LUZP2: variants seen among roughly 807,000 people sequenced by gnomAD.
The protein encoded by LUZP2 is leucine zipper protein 2.
LUZP2 carries 52 observed loss-of-function variants against 51.6 expected under a neutral mutation model. That is an observed-to-expected ratio of 1.01 (90% CI 0.81 to 1.27). LUZP2 has a LOEUF of 1.27. Among genes scored for constraint, LUZP2 ranks in the 50% most tolerant of loss-of-function variants. LUZP2 has a pLI of 0.00. For synonymous variants in LUZP2, 154 were observed against 137.3 expected (o/e 1.12, Z -0.85); for missense variants, 436 against 395.4 (o/e 1.10, Z -0.87).
chr11:24,799,210 A>G (rs767409919), intron 5 of LUZP2, among the ~76,000 whole-genome samples: 32 of 152,188 alleles, frequency 2.1e-4, no homozygotes, highest in Non-Finnish European at 4.0e-4. Context: ...TCAGTTATCA[A>G]AGGATTCCCA....
chr11:24,936,164 T>G (rs1044967341), intron 7 of LUZP2, among the ~76,000 whole-genome samples: 2 of 152,166 alleles, frequency 1.3e-5, no homozygotes, highest in Non-Finnish European at 2.9e-5. Flanking sequence ...TTTTTAAAAG[T>G]TCACAAATTT....
chr11:25,010,537 G>C (rs540025320), intron 9 of LUZP2, among the ~76,000 whole-genome samples: 2 of 151,520 alleles, frequency 1.3e-5, no homozygotes, highest in Non-Finnish European at 2.9e-5. Context: ...GACAGAGCAA[G>C]AGTCCATCTC....
At chr11:24,893,362 A>G (rs957880360) in intron 5 of LUZP2, 18 of 152,132 alleles carry the variant, frequency 1.2e-4, no homozygotes, top group African/African-American at 4.3e-4. Context: ...AACACACAGA[A>G]AAAAACAAAA....
chr11:24,998,796 A>T (rs567994545), intron 9 of LUZP2, among the ~76,000 whole-genome samples: 2 of 152,282 alleles, frequency 1.3e-5, no homozygotes, highest in South Asian at 4.1e-4. Flanking sequence ...TCTTGATGAT[A>T]AAAGACTCAC....
intron 5 of LUZP2, among the ~76,000 whole-genome samples, chr11:24,883,930 C>T (rs1157426359): frequency 6.6e-6 from 1 of 151,940 alleles, no homozygotes; most frequent in East Asian, 1.9e-4. Flanking sequence ...GGGAGGTCTG[C>T]TCTTAATTAC....
chr11:24,794,332 T>A (rs1849490326), intron 5 of LUZP2, among the ~76,000 whole-genome samples: 4 of 152,098 alleles, frequency 2.6e-5, no homozygotes, highest in Non-Finnish European at 4.4e-5. Flanking sequence ...CAGAGATGAG[T>A]TTCTTACTGT....
At chr11:24,772,634 A>C (rs1201489440) in intron 5 of LUZP2, among the ~76,000 whole-genome samples, 1 of 152,176 alleles carries the variant, frequency 6.6e-6, no homozygotes, top group Admixed American at 6.5e-5. Context: ...TAAGGTTCTA[A>C]GGCTACTGTT....
At chr11:24,710,839 A>G (rs1857785127) in intron 1 of LUZP2, among the ~76,000 whole-genome samples, 1 of 151,954 alleles carries the variant, frequency 6.6e-6, no homozygotes, top group African/African-American at 2.4e-5. Flanking sequence ...TGTTTTAGTC[A>G]TTTCTGATAT....
At chr11:24,621,088 T>A (rs1248686834) in intron 1 of LUZP2, among the ~76,000 whole-genome samples, 1 of 152,218 alleles carries the variant, frequency 6.6e-6, no homozygotes, top group East Asian at 1.9e-4. Flanking sequence ...ATACTGGTGC[T>A]TTGTTCTCCC....
chr11:24,602,116 A>G (rs369970166), intron 1 of LUZP2, among the ~76,000 whole-genome samples: 3,049 of 72,106 alleles, frequency 0.042, 126 homozygotes, highest in African/African-American at 0.058. Context: ...ATGTGTATAT[A>G]TGTATATATG....
intron 9 of LUZP2, among the ~76,000 whole-genome samples, chr11:25,021,709 G>A (rs1590845044): frequency 6.6e-6 from 1 of 151,994 alleles, no homozygotes; most frequent in Non-Finnish European, 1.5e-5. Context: ...GATAGGAAGA[G>A]TATCATGATC....
intron 5 of LUZP2, among the ~76,000 whole-genome samples, chr11:24,781,208 A>G (rs531284487): frequency 1.7e-4 from 26 of 152,272 alleles, no homozygotes; most frequent in African/African-American, 5.1e-4. Flanking sequence ...CAGGTTTGTT[A>G]CATAGGTATA....
At chr11:24,884,180 C>A (rs1307498712) in intron 5 of LUZP2, among the ~76,000 whole-genome samples, 2 of 151,958 alleles carry the variant, frequency 1.3e-5, no homozygotes, top group East Asian at 3.9e-4. Flanking sequence ...AAATTACTTT[C>A]TTTCCTGGTG....
At chr11:24,833,544 A>G (rs1459289510) in intron 5 of LUZP2, among the ~76,000 whole-genome samples, 1 of 152,152 alleles carries the variant, frequency 6.6e-6, no homozygotes, top group Non-Finnish European at 1.5e-5. Context: ...ACCCAGAGGT[A>G]GGTTCTCAAC....
At chr11:24,697,812 A>G (rs550928275) in intron 1 of LUZP2, among the ~76,000 whole-genome samples, 64 of 152,312 alleles carry the variant, frequency 4.2e-4, no homozygotes, top group Admixed American at 1.8e-3. Context: ...TACAGATAAC[A>G]TCACCATTAT....
chr11:24,691,087 T>C (rs1045467088), intron 1 of LUZP2, among the ~76,000 whole-genome samples: 2 of 152,104 alleles, frequency 1.3e-5, no homozygotes, highest in African/African-American at 4.8e-5. Flanking sequence ...TTTATCAGAA[T>C]TCCTATGTTT....
chr11:25,008,397 A>G (rs1856893457), intron 9 of LUZP2, among the ~76,000 whole-genome samples: 1 of 152,200 alleles, frequency 6.6e-6, no homozygotes, highest in African/African-American at 2.4e-5. Context: ...CCCACAGTGC[A>G]GCGAATGGGA....
In LUZP2 at chr11:24,611,889, G is replaced by A. The variant is rs551135375; in HGVS notation, c.62+114584G>A. Among the ~76,000 whole-genome samples, 1 of 152,224 alleles carries A rather than the reference G, an allele frequency of 6.6e-6. No homozygotes were observed. Among genetic ancestry groups the A allele is most frequent in the South Asian group, 2.1e-4 (1 of 4,828 alleles). On this transcript the variant is annotated intron_variant, in intron 1 of 11. Coordinates refer to ENST00000336930, the MANE Select transcript of LUZP2 (RefSeq NM_001009909.4). This position sits in a 1 kb window ranked among gnomAD's most constrained non-coding sequence, Gnocchi z 4.6. The stretch of plus-strand genomic sequence containing the variant: ...TTGGAATATTAAAATAATCACAGGA[G>A]ATAATATAAATGTAGTCTTGAGTCA...
Position 24,705,145 on chromosome 11 carries a change from A to G in LUZP2, c.63-24024A>G, listed in dbSNP as rs113650872. ...TAAGAAAATCTTCACTTGAGCTCCAATACCAAAGATAGTAAAGTTTTTTAA... is the reference window on the plus strand; with the variant it reads ...TAAGAAAATCTTCACTTGAGCTCCAGTACCAAAGATAGTAAAGTTTTTTAA... On this transcript the variant is annotated intron_variant, in intron 1 of 11. Coordinates refer to ENST00000336930, the MANE Select transcript of LUZP2 (RefSeq NM_001009909.4). Among the ~76,000 whole-genome samples, 777 of 152,222 alleles carry G rather than the reference A, an allele frequency of 5.1e-3. 5 individuals are homozygous for G. The highest frequency in any genetic ancestry group is 0.018 in the African/African-American group (746 of 41,542).
Sources: gnomAD v4.1 joint callset for allele counts (sites outside exome capture counted in the v4.1 genomes callset) on GRCh38, gnomAD v4.1.1 for gene constraint, Gnocchi (gnomAD v3.1) non-coding constraint, MANE v1.5 for transcripts, NCBI Gene and HGNC (gene_info 2026-07-23, HGNC 2026-07-21) for gene names.